JPH1: variants seen among roughly 807,000 people sequenced by gnomAD.
The protein encoded by JPH1 is junctophilin-1.
JPH1 carries 12 observed loss-of-function variants against 53.6 expected under a neutral mutation model. The ratio of observed to expected loss-of-function variants is 0.22; its 90% CI spans 0.14 to 0.36. The LOEUF is 0.36. Ranked by LOEUF, JPH1 falls within the 10% of genes least tolerant of loss-of-function variation. JPH1 has a pLI of 1.00. For missense variants in JPH1, 808 were observed against 905.5 expected (o/e 0.89, Z 1.38); for synonymous variants, 375 against 363.8 (o/e 1.03, Z -0.35).
At chr8:74,261,245 C>CTTTAATATATTAGTATTAATA (rs1806387288) in intron 2 of JPH1, among the ~76,000 whole-genome samples, 1 of 152,122 alleles carries the variant, frequency 6.6e-6, no homozygotes, top group Non-Finnish European at 1.5e-5. Flanking sequence ...AAACTATGGA[C>CTTTAATATATTAGTATTAATA]TTTAATACTA....
intron 2 of JPH1, among the ~76,000 whole-genome samples, chr8:74,278,321 C>T (rs757835703): frequency 1.3e-5 from 2 of 152,148 alleles, no homozygotes; most frequent in Non-Finnish European, 2.9e-5. Context: ...GTGAGGCTTC[C>T]CCAGCCATGT....
At position 74,235,030 on chromosome 8, in the gene JPH1, A is replaced by G. The variant is rs1308816097; in HGVS notation, c.*2021T>C. 1 of 152,642 alleles carries G rather than the reference A, an allele frequency of 6.6e-6. No individual in the cohort carries two copies. Among genetic ancestry groups the G allele is most frequent in the East Asian group, 1.9e-4 (1 of 5,204 alleles). 9.5% of individuals were successfully genotyped at this position (152,642 alleles called of 1,614,324 possible). A position where few individuals can be genotyped will look rare whatever the true frequency, so the allele number is the denominator to read the frequency against. ...ACATATATTTATAAATGGGACCAAC[A>G]TGCTCACTTTATAAACATATCCTCT... On this transcript the variant is annotated 3_prime_UTR_variant, in exon 6 of 6. Coordinates refer to ENST00000342232, the MANE Select transcript of JPH1 (RefSeq NM_020647.4).
chr8:74,253,582 CA>C (rs1383399015), intron 3 of JPH1, among the ~76,000 whole-genome samples: 1 of 151,948 alleles, frequency 6.6e-6, no homozygotes, highest in Non-Finnish European at 1.5e-5. Flanking sequence ...AAAAACCCTT[CA>C]AAAAATTAAT....
intron 2 of JPH1, among the ~76,000 whole-genome samples, chr8:74,304,474 C>T (rs1807776133): frequency 6.6e-6 from 1 of 152,100 alleles, no homozygotes; most frequent in Non-Finnish European, 1.5e-5. Flanking sequence ...GGCAGTAAGC[C>T]CCATCATCTG....
At chr8:74,279,255 C>G (rs568264513) in intron 2 of JPH1, among the ~76,000 whole-genome samples, 2 of 152,294 alleles carry the variant, frequency 1.3e-5, no homozygotes, top group South Asian at 4.1e-4. Flanking sequence ...CCATATGGAT[C>G]CAATTTCTTT....
chr8:74,239,479 T>C (rs1478860933), intron 4 of JPH1, among the ~76,000 whole-genome samples: 1 of 152,240 alleles, frequency 6.6e-6, no homozygotes, highest in African/African-American at 2.4e-5. Flanking sequence ...GACCAACTGC[T>C]CTTTTAGAAT....
At chr8:74,246,363 T>C (rs1805860991) in intron 3 of JPH1, among the ~76,000 whole-genome samples, 1 of 152,188 alleles carries the variant, frequency 6.6e-6, no homozygotes, top group African/African-American at 2.4e-5. Context: ...ACAAACTCAC[T>C]AACTCACTAA....
chr8:74,259,144 T>A (rs1806318427), intron 3 of JPH1, among the ~76,000 whole-genome samples: 1 of 152,180 alleles, frequency 6.6e-6, no homozygotes, highest in South Asian at 2.1e-4. Context: ...GGTTCCCAGC[T>A]CAAGAGATCT....
At chr8:74,263,424 C>A (rs9298236) in intron 2 of JPH1, among the ~76,000 whole-genome samples, 1 of 152,032 alleles carries the variant, frequency 6.6e-6, no homozygotes. Context: ...TTTGCTTTGA[C>A]GTACAAGTAT....
chr8:74,295,644 C>A (rs534568428), intron 2 of JPH1, among the ~76,000 whole-genome samples: 1 of 152,242 alleles, frequency 6.6e-6, no homozygotes, highest in South Asian at 2.1e-4. Flanking sequence ...TGAATAAAAT[C>A]TCCCCCCTCA....
At chr8:74,254,209 T>C (rs1448000165) in intron 3 of JPH1, among the ~76,000 whole-genome samples, 1 of 152,138 alleles carries the variant, frequency 6.6e-6, no homozygotes, top group Non-Finnish European at 1.5e-5. Flanking sequence ...TCAAGTGGGC[T>C]TCATCCCTGG....
chr8:74,267,352 TA>T (rs1344298792), intron 2 of JPH1, among the ~76,000 whole-genome samples: 1 of 152,294 alleles, frequency 6.6e-6, no homozygotes, highest in East Asian at 1.9e-4. Context: ...AGCAGTAACA[TA>T]CAGGTGGAAG....
chr8:74,257,256 A>G (rs1445438895), intron 3 of JPH1, among the ~76,000 whole-genome samples: 1 of 152,190 alleles, frequency 6.6e-6, no homozygotes, highest in East Asian at 1.9e-4. Context: ...TGCTTATATG[A>G]AGCTGTTTTA....
At chr8:74,310,371 A>C (rs1807958066) in intron 2 of JPH1, among the ~76,000 whole-genome samples, 2 of 152,186 alleles carry the variant, frequency 1.3e-5, no homozygotes, top group Non-Finnish European at 2.9e-5. Flanking sequence ...AAGGGAAATA[A>C]AATTTTGTAA....
At chr8:74,275,174 A>G (rs1473645412) in intron 2 of JPH1, among the ~76,000 whole-genome samples, 2 of 152,222 alleles carry the variant, frequency 1.3e-5, no homozygotes, top group African/African-American at 4.8e-5. Context: ...CTAGACTTGA[A>G]TTAATTCAAA....
intron 2 of JPH1, among the ~76,000 whole-genome samples, chr8:74,292,122 T>C (rs554125134): frequency 6.6e-6 from 1 of 152,312 alleles, no homozygotes; most frequent in East Asian, 1.9e-4. Flanking sequence ...CATGTATACA[T>C]ATGTAACAAA....
At chr8:74,255,065 A>C (rs891178614) in intron 3 of JPH1, among the ~76,000 whole-genome samples, 4 of 152,196 alleles carry the variant, frequency 2.6e-5, no homozygotes, top group African/African-American at 9.7e-5. Context: ...ATATGGAACC[A>C]AAAAAGAGCC....
chr8:74,315,150 C>T lies in JPH1; in HGVS notation c.850G>A (p.Glu284Lys). The T allele has an allele frequency of 6.2e-7, 1 of 1,614,226 alleles. No individual in the cohort carries two copies. The highest frequency in any genetic ancestry group is 8.5e-7 in the Non-Finnish European group (1 of 1,180,044). The change falls in exon 2 of 6, where the codon GAG (glutamate) becomes AAG (lysine). Residue 284 changes from glutamate to lysine, a missense_variant. Around this residue, in one of 2 missense-constraint regions of JPH1, gnomAD observed 756 missense variants for 811.9 expected, o/e 0.93. Coordinates refer to ENST00000342232, the MANE Select transcript of JPH1 (RefSeq NM_020647.4). This position sits in a 1 kb window ranked among gnomAD's most constrained non-coding sequence, Gnocchi z 6.3. Reference protein sequence around the residue: ...DATTTETYMGEWKNDKRNGFG... With the variant: ...DATTTETYMGKWKNDKRNGFG... The stretch of plus-strand genomic sequence containing the variant: ...CCGTTGCGCTTGTCGTTCTTCCACT[C>T]GCCCATGTAGGTTTCCGTGGTGGTG...
At chr8:74,314,455 G>A (rs980935713) in intron 2 of JPH1, among the ~76,000 whole-genome samples, 6 of 152,122 alleles carry the variant, frequency 3.9e-5, no homozygotes, top group Admixed American at 1.3e-4. Flanking sequence ...ATGTTTCTAC[G>A]TGGATTGCTA....
Sources: allele counts gnomAD v4.1 joint callset (sites outside exome capture counted in the v4.1 genomes callset), GRCh38; gene constraint gnomAD v4.1.1; regional missense constraint gnomAD v4.1.1; non-coding constraint Gnocchi (gnomAD v3.1); transcripts MANE v1.5; gene names NCBI Gene and HGNC (gene_info 2026-07-23, HGNC 2026-07-21).